The following IGFL2 variants were observed in gnomAD, a reference collection of about 807,000 sequenced individuals.
IGFL2 encodes insulin growth factor-like family member 2.
A neutral mutation model predicts 13.9 loss-of-function variants in IGFL2; 7 were observed. The observed-to-expected ratio is 0.51, with a 90% CI of 0.29 to 0.95. IGFL2 has a LOEUF of 0.95. Among genes scored for constraint, IGFL2 ranks in the 40% least tolerant of loss-of-function variants. The probability of loss-of-function intolerance (pLI) is 0.08; values close to 1 mark genes in which losing one functional copy is unlikely to be tolerated. For synonymous variants in IGFL2, 55 were observed against 55.8 expected, an observed-to-expected ratio of 0.99 and a Z score of 0.07; for missense variants, 138 against 147.8, an observed-to-expected ratio of 0.93 and a Z score of 0.34.
the IGFL2 span, among the ~76,000 whole-genome samples, chr19:46,114,033 C>G: frequency 6.6e-6 from 1 of 152,194 alleles, no homozygotes; most frequent in Admixed American, 6.5e-5. Context: ...ATAAACAGCC[C>G]AGGAAGCCAC....
At chr19:46,120,333 T>A in the IGFL2 span, 1 of 1,611,156 alleles carries the variant, frequency 6.2e-7, no homozygotes, top group Non-Finnish European at 8.5e-7. Flanking sequence ...GGGGTTTTTA[T>A]GGGTACAGGA....
At chr19:46,117,193 G>A in the IGFL2 span, among the ~76,000 whole-genome samples, 2 of 152,040 alleles carry the variant, frequency 1.3e-5, no homozygotes, top group African/African-American at 4.8e-5. Flanking sequence ...TATACCTAGA[G>A]AATAAAGGTT....
chr19:46,125,632 C>T, the IGFL2 span, among the ~76,000 whole-genome samples: 3 of 152,200 alleles, frequency 2.0e-5, no homozygotes, highest in Admixed American at 6.5e-5. Flanking sequence ...TAAGTTCATC[C>T]AGCCTGTACC....
chr19:46,121,844 T>G, the IGFL2 span, among the ~76,000 whole-genome samples: 1 of 151,072 alleles, frequency 6.6e-6, no homozygotes, highest in Non-Finnish European at 1.5e-5. Flanking sequence ...TTGGTGCTTG[T>G]GCTGGAGAGA....
At chr19:46,206,010 A>G in the IGFL2 span, among the ~76,000 whole-genome samples, 762 of 152,326 alleles carry the variant, frequency 5.0e-3, 4 homozygotes, top group African/African-American at 0.017. Flanking sequence ...TGTTGTTGTC[A>G]TACAGGGAGA....
the IGFL2 span, among the ~76,000 whole-genome samples, chr19:46,117,670 G>C: frequency 6.6e-6 from 1 of 152,010 alleles, no homozygotes; most frequent in South Asian, 2.1e-4. Context: ...TAGTAGAGAC[G>C]GGGTTTCACC....
At chr19:46,142,941 AC>A (rs1486540319), upstream of IGFL2, among the ~76,000 whole-genome samples, 2 of 152,256 alleles carry the variant, frequency 1.3e-5, no homozygotes, top group African/African-American at 4.8e-5. Context: ...GAATACCTGT[AC>A]ATTACAAAAT....
the IGFL2 span, among the ~76,000 whole-genome samples, chr19:46,108,891 G>A: frequency 1.5e-4 from 23 of 152,346 alleles, no homozygotes; most frequent in Admixed American, 3.3e-4. Context: ...AGATTGAAGG[G>A]TGGAGCAACA....
chr19:46,095,186 A>T, the IGFL2 span, among the ~76,000 whole-genome samples: 39 of 152,198 alleles, frequency 2.6e-4, no homozygotes, highest in African/African-American at 9.1e-4. Context: ...CTTGCCAGCA[A>T]CTGTTGTTTC....
chr19:46,155,032 G>T (rs534027530), intron 1 of IGFL2, among the ~76,000 whole-genome samples: 1 of 152,040 alleles, frequency 6.6e-6, no homozygotes, highest in South Asian at 2.1e-4. Flanking sequence ...ACACTGGGAG[G>T]GGGTGGTAGC....
chr19:46,148,194 A>G (rs907832508), upstream of IGFL2: 1 of 1,274,214 alleles, frequency 7.8e-7, no homozygotes, highest in Non-Finnish European at 1.1e-6. Context: ...CTAAATGTGG[A>G]TAAGTTCATA....
chr19:46,177,954 T>C, the IGFL2 span, among the ~76,000 whole-genome samples: 1 of 151,916 alleles, frequency 6.6e-6, no homozygotes, highest in East Asian at 1.9e-4. Context: ...CCTCTTGGAG[T>C]TTAGGCACAA....
chr19:46,124,556 T>C, the IGFL2 span: 4 of 1,395,468 alleles, frequency 2.9e-6, no homozygotes, highest in Middle Eastern at 1.8e-4. Flanking sequence ...GAGGAATAAA[T>C]CGGGTTGAGG....
the IGFL2 span, among the ~76,000 whole-genome samples, chr19:46,105,903 A>G: frequency 2.0e-5 from 3 of 152,126 alleles, no homozygotes; most frequent in African/African-American, 7.2e-5. Context: ...TGTGTAATGA[A>G]AAGGGTTGGG....
chr19:46,154,075 A>G (rs1315552097), intron 1 of IGFL2, among the ~76,000 whole-genome samples: 1 of 152,018 alleles, frequency 6.6e-6, no homozygotes. Flanking sequence ...CTTCTGAGTG[A>G]GAACATGTGT....
At chr19:46,199,361 A>G in the IGFL2 span, among the ~76,000 whole-genome samples, 2 of 152,130 alleles carry the variant, frequency 1.3e-5, no homozygotes, top group Admixed American at 6.5e-5. Flanking sequence ...GATCAGTTCC[A>G]CCAAGGCAGA....
At chr19:46,147,028 G>A (rs1350591971), upstream of IGFL2, among the ~76,000 whole-genome samples, 1 of 152,150 alleles carries the variant, frequency 6.6e-6, no homozygotes, top group Non-Finnish European at 1.5e-5. Flanking sequence ...CAGAAGGAGC[G>A]TTTCCTTGGA....
rs1974130140 is a variant in IGFL2 at position 46,160,881 on chromosome 19, G to A, written c.341G>A (p.Ser114Asn). 1.2e-6 allele frequency: 2 copies of A among 1,613,518 alleles called. No homozygotes were observed. Among genetic ancestry groups the A allele is most frequent in the South Asian group, 2.2e-5 (2 of 91,072 alleles). ...HSSPISSKCE[S>N]RRRFP is the part of the protein sequence containing the mutation. ...TCTCCCATCTCCAGTAAATGTGAAA[G>A]GTAGGGACCCCGTCCCTGGCCAGGG... The change falls in exon 3 of 4, where the codon AGC (serine) becomes AAC (asparagine). Residue 114 changes from serine (S) to asparagine (N), a missense_variant and splice_region_variant. Transcript: ENST00000377693.
the IGFL2 span, among the ~76,000 whole-genome samples, chr19:46,105,270 G>A: frequency 2.0e-5 from 3 of 152,210 alleles, no homozygotes; most frequent in African/African-American, 4.8e-5. Context: ...ATATTGATGC[G>A]TAGTCCTTTT....
Sources: gnomAD v4.1 joint callset for allele counts (sites outside exome capture counted in the v4.1 genomes callset) on GRCh38, gnomAD v4.1.1 for gene constraint, MANE v1.5 for transcripts, NCBI Gene and HGNC (gene_info 2026-07-23, HGNC 2026-07-21) for gene names.